RNF216: variants seen among roughly 807,000 people sequenced by gnomAD.
The protein encoded by RNF216 is E3 ubiquitin-protein ligase RNF216.
In RNF216, 72 loss-of-function variants were observed where a neutral mutation model predicts 110.8. The ratio of observed to expected loss-of-function variants is 0.65; its 90% CI spans 0.54 to 0.79. The LOEUF is 0.79. Among genes scored for constraint, RNF216 ranks in the 30% least tolerant of loss-of-function variants. RNF216 has a pLI of 0.00. For synonymous variants in RNF216, 495 were observed against 407.5 expected (o/e 1.21, Z -2.59); for missense variants, 1,342 against 1,141.2 (o/e 1.18, Z -2.54).
chr7:5,742,332 C>A (rs1291380851), intron 3 of RNF216, among the ~76,000 whole-genome samples: 4 of 151,992 alleles, frequency 2.6e-5, no homozygotes, highest in Non-Finnish European at 5.9e-5. Context: ...CAGGCATGAG[C>A]CACTGAACCC....
Position 5,741,266 on chromosome 7 carries a change from G to T in RNF216, c.751C>A (p.Pro251Thr). Residue 251 changes from proline (P) to threonine (T), a missense_variant, in exon 4 of 17, where the codon CCT becomes ACT. By Grantham distance (38) the Pro-to-Thr change is conservative (BLOSUM62 -1). Coordinates refer to ENST00000389902, the MANE Select transcript of RNF216 (RefSeq NM_207111.4). ...QPREITNQVV[P>T]QERQPEAELG... is the part of the protein sequence containing the mutation. The stretch of plus-strand genomic sequence containing the variant: ...TCTGCTTCAGGCTGCCGTTCCTGAG[G>T]AACGACCTGGTTTGTTATTTCACGG... 1 of 1,614,126 alleles carries T rather than the reference G, an allele frequency of 6.2e-7. No individual in the cohort carries two copies.
chr7:5,679,169 G>T (rs541588720), intron 13 of RNF216, among the ~76,000 whole-genome samples: 1 of 152,306 alleles, frequency 6.6e-6, no homozygotes, highest in East Asian at 1.9e-4. Flanking sequence ...CTTTTCAGGA[G>T]GATCCTGTCA....
chr7:5,671,573 G>C (rs1049089976), intron 13 of RNF216, among the ~76,000 whole-genome samples: 1 of 152,162 alleles, frequency 6.6e-6, no homozygotes, highest in African/African-American at 2.4e-5. Context: ...GGGAGGCCAA[G>C]GCGGGCGGAT....
intron 2 of RNF216, among the ~76,000 whole-genome samples, chr7:5,755,277 C>T (rs1302665048): frequency 6.6e-6 from 1 of 151,624 alleles, no homozygotes; most frequent in African/African-American, 2.4e-5. Flanking sequence ...GAACCTATCA[C>T]CTTATAATAA....
At chr7:5,750,229 A>C (rs1484734559) in intron 3 of RNF216, among the ~76,000 whole-genome samples, 1 of 152,208 alleles carries the variant, frequency 6.6e-6, no homozygotes, top group Non-Finnish European at 1.5e-5. Context: ...ACAGTGAGTA[A>C]ATCTGTCTCT....
At chr7:5,704,285 C>T (rs1295791314) in intron 13 of RNF216, among the ~76,000 whole-genome samples, 2 of 152,096 alleles carry the variant, frequency 1.3e-5, no homozygotes, top group African/African-American at 4.8e-5. Context: ...TCCTGAAAAG[C>T]CAACTGGAAT....
At chr7:5,650,815 C>G (rs1788341757) in intron 14 of RNF216, among the ~76,000 whole-genome samples, 1 of 152,156 alleles carries the variant, frequency 6.6e-6, no homozygotes, top group South Asian at 2.1e-4. Flanking sequence ...ACCATACAAC[C>G]AAGGGCAAAT....
chr7:5,712,484 A>C (rs1792773049), intron 12 of RNF216, among the ~76,000 whole-genome samples: 1 of 152,188 alleles, frequency 6.6e-6, no homozygotes. Flanking sequence ...AAAAAAAAAA[A>C]AGAAGTTTGA....
chr7:5,688,655 T>C lies in RNF216; in HGVS notation c.2061+23106A>G, dbSNP rs564937819. Among the ~76,000 whole-genome samples the C allele has an allele frequency of 3.5e-4, 53 of 152,344 alleles. No homozygotes were observed. The South Asian group carries it at 9.3e-3, about 27-fold the overall frequency. On this transcript the variant is annotated intron_variant, in intron 13 of 16. Coordinates refer to ENST00000389902, the MANE Select transcript of RNF216 (RefSeq NM_207111.4). Reference sequence around the variant, plus strand: ...AGCAGAAGGCTCACTCTGCGCACCTTACCTTGCTTTACACATCTGACAGTG... The same window carrying C: ...AGCAGAAGGCTCACTCTGCGCACCTCACCTTGCTTTACACATCTGACAGTG...
chr7:5,721,954 GC>G (rs1793453374), intron 8 of RNF216, among the ~76,000 whole-genome samples: 1 of 152,200 alleles, frequency 6.6e-6, no homozygotes, highest in African/African-American at 2.4e-5. Flanking sequence ...ACAGAGCCTT[GC>G]TCTGCTGCTC....
intron 5 of RNF216, among the ~76,000 whole-genome samples, chr7:5,737,929 A>G (rs1794522168): frequency 6.6e-6 from 1 of 152,026 alleles, no homozygotes; most frequent in Admixed American, 6.6e-5. Flanking sequence ...CTCTACTAAA[A>G]ATACAAAAAT....
intron 15 of RNF216, among the ~76,000 whole-genome samples, chr7:5,629,614 G>A (rs563357762): frequency 9.9e-5 from 15 of 152,178 alleles, no homozygotes; most frequent in South Asian, 6.2e-4. Context: ...GGATCACGAC[G>A]TCAGGAGTTT....
chr7:5,690,961 C>T (rs915598225), intron 13 of RNF216, among the ~76,000 whole-genome samples: 6 of 152,172 alleles, frequency 3.9e-5, no homozygotes, highest in African/African-American at 1.4e-4. Context: ...TGGTTCAGGG[C>T]TTATCCAGCA....
At chr7:5,744,185 G>A (rs1794913998) in intron 3 of RNF216, among the ~76,000 whole-genome samples, 1 of 151,994 alleles carries the variant, frequency 6.6e-6, no homozygotes, top group Non-Finnish European at 1.5e-5. Context: ...AGAATCGAAC[G>A]CAAATTCCAG....
chr7:5,659,863 T>G (rs1426628464), intron 13 of RNF216, among the ~76,000 whole-genome samples: 2 of 152,168 alleles, frequency 1.3e-5, no homozygotes, highest in African/African-American at 4.8e-5. Context: ...GTACTTTTTT[T>G]GTTAAGAAGA....
At chr7:5,659,033 G>A (rs534822115) in intron 13 of RNF216, among the ~76,000 whole-genome samples, 30 of 152,266 alleles carry the variant, frequency 2.0e-4, no homozygotes, top group African/African-American at 6.7e-4. Context: ...AAGAGATGAG[G>A]GTGAGAGAGA....
chr7:5,651,242 G>A (rs76825164), intron 14 of RNF216, among the ~76,000 whole-genome samples: 75 of 144,468 alleles, frequency 5.2e-4, no homozygotes, highest in African/African-American at 1.8e-3. Context: ...TTTTTTTTTT[G>A]AGTTGGAGTC....
At chr7:5,625,252 G>A (rs371459722) in intron 15 of RNF216, among the ~76,000 whole-genome samples, 2 of 152,228 alleles carry the variant, frequency 1.3e-5, no homozygotes, top group Non-Finnish European at 2.9e-5. Context: ...TCCAGGAGTT[G>A]AGAGCAGCCG....
At chr7:5,650,534 T>G (rs185706934) in intron 14 of RNF216, among the ~76,000 whole-genome samples, 3 of 152,108 alleles carry the variant, frequency 2.0e-5, no homozygotes, top group Non-Finnish European at 4.4e-5. Flanking sequence ...TCATTTGGGT[T>G]GTCTGCAGAA....
Sources: gnomAD v4.1 joint callset for allele counts (sites outside exome capture counted in the v4.1 genomes callset) on GRCh38, gnomAD v4.1.1 for gene constraint, MANE v1.5 for transcripts, NCBI Gene and HGNC (gene_info 2026-07-23, HGNC 2026-07-21) for gene names.